The following HMGXB4 variants were observed in gnomAD, a reference collection of about 807,000 sequenced individuals.
HMGXB4 encodes the protein HMG-box containing 4.
HMGXB4 carries 27 observed loss-of-function variants against 63.9 expected under a neutral mutation model. The ratio of observed to expected loss-of-function variants is 0.42; its 90% CI spans 0.31 to 0.58. HMGXB4 has a LOEUF of 0.58. HMGXB4 is among the 20% of genes least tolerant of loss of function. The pLI, the probability that HMGXB4 is intolerant of heterozygous loss-of-function variation, is 0.13. For missense variants in HMGXB4, 624 were observed against 700.7 expected (o/e 0.89, Z 1.24); for synonymous variants, 264 against 265.3 (o/e 0.99, Z 0.05).
At chr22:35,279,202 A>G (rs1034476158) in intron 5 of HMGXB4, among the ~76,000 whole-genome samples, 1 of 118,368 alleles carries the variant, frequency 8.4e-6, no homozygotes, top group African/African-American at 3.3e-5. Context: ...GCTGGAGTGC[A>G]ATGGCACAAT....
Position 35,259,537 on chromosome 22 carries a change from G to A in HMGXB4, c.-69+1980G>A, listed in dbSNP as rs1000716029. 5.1e-5 allele frequency among the ~76,000 whole-genome samples: 7 copies of A among 138,530 alleles called. No individual in the cohort carries two copies. In the East Asian group the frequency reaches 8.5e-4, roughly 17 times the overall value. 90.9% of individuals were successfully genotyped at this position (138,530 alleles called of 152,430 possible). The stretch of plus-strand genomic sequence containing the variant: ...TATTCAAGACCTGGAAGGAATATCA[G>A]GGGTTCATCTGATCTTATATAAATG... On this transcript the variant is annotated intron_variant, in intron 1 of 10. Transcript: ENST00000216106.
chr22:35,264,666 C>T lies in HMGXB4; in HGVS notation c.278C>T (p.Ser93Leu), dbSNP rs746800426. Residue 93 changes from serine to leucine, a missense_variant, in exon 5 of 11, where the codon TCG becomes TTG. By Grantham distance (145) the Ser-to-Leu change is moderately radical. Coordinates refer to ENST00000216106, the MANE Select transcript of HMGXB4 (RefSeq NM_001003681.3). Reference sequence around the variant, plus strand: ...TTTCTAGATATTTCGTCTTTGGAATCGTCACAGAAGAAAAAGAAAAAGTCC... The same window carrying T: ...TTTCTAGATATTTCGTCTTTGGAATTGTCACAGAAGAAAAAGAAAAAGTCC... ...YYYGDISSLE[S>L]SQKKKKKSSP... 5 of 1,570,458 alleles carry T rather than the reference C, an allele frequency of 3.2e-6. No individual in the cohort carries two copies. The highest frequency in any genetic ancestry group is 2.3e-5 in the East Asian group (1 of 44,444).
chr22:35,288,604 A>C (rs1924737452), intron 9 of HMGXB4, among the ~76,000 whole-genome samples, 197 bp downstream of exon 9: 1 of 152,258 alleles, frequency 6.6e-6, no homozygotes, highest in Non-Finnish European at 1.5e-5. Flanking sequence ...TCTACCTGTT[A>C]GCTCTCAAAG....
intron 5 of HMGXB4, among the ~76,000 whole-genome samples, chr22:35,265,857 G>A (rs1923209289): frequency 6.6e-6 from 1 of 151,372 alleles, no homozygotes; most frequent in Non-Finnish European, 1.5e-5. Flanking sequence ...TGCAGTCTGG[G>A]CTCACTGCAA....
chr22:35,251,798 C>T, the HMGXB4 span, among the ~76,000 whole-genome samples: 2,044 of 152,192 alleles, frequency 0.013, 71 homozygotes, highest in Admixed American at 0.073. Flanking sequence ...CCCATGATAC[C>T]ATCATCAAAA....
intron 9 of HMGXB4, 26 bp from the exon 10 acceptor site, chr22:35,292,966 A>G (rs752177608): frequency 5.0e-6 from 8 of 1,614,168 alleles, no homozygotes; most frequent in Admixed American, 3.3e-5. Flanking sequence ...AGTGTGACTC[A>G]AGCAACAACC....
intron 5 of HMGXB4, among the ~76,000 whole-genome samples, chr22:35,272,832 G>A (rs1484133234): frequency 1.3e-5 from 2 of 152,232 alleles, no homozygotes; most frequent in Non-Finnish European, 2.9e-5. Flanking sequence ...TACTCAGGAG[G>A]CTGAGGCAGG....
In HMGXB4 at chr22:35,263,137, C is replaced by A. The variant is rs771528182; in HGVS notation, c.91C>A (p.Arg31=). The part of the protein sequence containing the change: ...DIGLAAGRSQ[R]EKKRSYKDFL... ...AGGACTTGCAGCTGGCCGAAGCCAACGAGAGAAAAAACGTTCTTACAAAGA... is the reference window on the plus strand; with the variant it reads ...AGGACTTGCAGCTGGCCGAAGCCAAAGAGAGAAAAAACGTTCTTACAAAGA... Residue 31 remains arginine, a synonymous_variant, in exon 3 of 11, where the codon CGA becomes AGA. Transcript: ENST00000216106. 4 of 1,613,462 alleles carry A rather than the reference C, an allele frequency of 2.5e-6. No homozygotes were observed. Among genetic ancestry groups the A allele is most frequent in the Admixed American group, 1.7e-5 (1 of 59,940 alleles).
chr22:35,258,308 G>C (rs1192632142), intron 1 of HMGXB4: 1 of 152,152 alleles, frequency 6.6e-6, no homozygotes, highest in Non-Finnish European at 1.5e-5. Flanking sequence ...ACTTTATAGC[G>C]TGCAAAAGCG....
chr22:35,282,076 C>T (rs913054874), intron 5 of HMGXB4, among the ~76,000 whole-genome samples: 17 of 152,180 alleles, frequency 1.1e-4, no homozygotes, highest in African/African-American at 3.1e-4. Context: ...TCTGAAGTTA[C>T]GAGACAGGAC....
At chr22:35,269,153 G>C (rs1450491462) in intron 5 of HMGXB4, among the ~76,000 whole-genome samples, 3 of 152,212 alleles carry the variant, frequency 2.0e-5, no homozygotes, top group East Asian at 1.9e-4. Flanking sequence ...GAGGCAGGTA[G>C]ATCACTTGAG....
At chr22:35,246,861 G>A in the HMGXB4 span, among the ~76,000 whole-genome samples, 7 of 152,282 alleles carry the variant, frequency 4.6e-5, no homozygotes, top group South Asian at 8.3e-4. Flanking sequence ...GCACATCCAC[G>A]CCATCTTCCT....
At chr22:35,284,218 A>C (rs935625377) in intron 6 of HMGXB4, among the ~76,000 whole-genome samples, 175 bp downstream of exon 6, 1 of 152,262 alleles carries the variant, frequency 6.6e-6, no homozygotes, top group East Asian at 1.9e-4. Flanking sequence ...TGAACTTTCT[A>C]TACATATCTC....
At chr22:35,290,630 C>CAAAAA (rs767279436) in intron 9 of HMGXB4, among the ~76,000 whole-genome samples, 13 of 52,830 alleles carry the variant, frequency 2.5e-4, no homozygotes, top group East Asian at 9.6e-4. Context: ...GACTCCGCCT[C>CAAAAA]AAAAAAAAAA....
chr22:35,279,944 A>G (rs555072443), intron 5 of HMGXB4, among the ~76,000 whole-genome samples: 3 of 152,048 alleles, frequency 2.0e-5, no homozygotes, highest in Non-Finnish European at 4.4e-5. Flanking sequence ...TTTGTTCTTC[A>G]TCAATACTGC....
the HMGXB4 span, among the ~76,000 whole-genome samples, chr22:35,245,794 C>A: frequency 2.0e-5 from 3 of 152,322 alleles, no homozygotes; most frequent in East Asian, 5.8e-4. Flanking sequence ...TTCCTCATTA[C>A]TGCTGCCCAA....
intron 5 of HMGXB4, among the ~76,000 whole-genome samples, chr22:35,277,319 T>G (rs921039763): frequency 1.3e-5 from 2 of 152,218 alleles, no homozygotes; most frequent in African/African-American, 4.8e-5. Flanking sequence ...TTAATGTTGG[T>G]TCGATGCAAG....
At chr22:35,281,600 T>G (rs1924247037) in intron 5 of HMGXB4, among the ~76,000 whole-genome samples, 2 of 152,208 alleles carry the variant, frequency 1.3e-5, no homozygotes, top group South Asian at 4.1e-4. Flanking sequence ...CCTTGTAAGT[T>G]TTATAATATG....
intron 5 of HMGXB4, among the ~76,000 whole-genome samples, chr22:35,277,903 C>T (rs775365893): frequency 2.6e-5 from 4 of 152,104 alleles, no homozygotes; most frequent in Non-Finnish European, 5.9e-5. Context: ...CTCCCTCTTA[C>T]ATTGGTATTG....
Sources: allele counts gnomAD v4.1 joint callset (sites outside exome capture counted in the v4.1 genomes callset), GRCh38; gene constraint gnomAD v4.1.1; transcripts MANE v1.5; gene names NCBI Gene and HGNC (gene_info 2026-07-23, HGNC 2026-07-21).